THRA: variants seen among roughly 807,000 people sequenced by gnomAD.
The protein encoded by THRA is thyroid hormone receptor alpha.
In THRA, 13 loss-of-function variants were observed where a neutral mutation model predicts 45.0. That is an observed-to-expected ratio of 0.29 (90% CI 0.19 to 0.46). The LOEUF (loss-of-function observed/expected upper bound fraction) is 0.46. Among genes scored for constraint, THRA ranks in the 20% least tolerant of loss-of-function variants. THRA has a pLI of 1.00. For missense variants in THRA, 278 were observed against 556.1 expected (o/e 0.50, Z 5.03); for synonymous variants, 195 against 214.0 (o/e 0.91, Z 0.78).
intron 2 of THRA, among the ~76,000 whole-genome samples, chr17:40,076,429 A>G (rs1476103631): frequency 6.6e-6 from 1 of 152,190 alleles, no homozygotes; most frequent in African/African-American, 2.4e-5. Flanking sequence ...GCCCTGGTGC[A>G]TACTCACCAT....
chr17:40,093,296 G>C (rs201252895), downstream of THRA: 1 of 1,613,426 alleles, frequency 6.2e-7, no homozygotes, highest in Admixed American at 1.7e-5. This position sits in a 1 kb window ranked among gnomAD's most constrained non-coding sequence, Gnocchi z 5.9. Context: ...TGGGGAAGAC[G>C]ACAGCAGTGA....
intron 4 of THRA, among the ~76,000 whole-genome samples, chr17:40,081,806 T>C (rs955901172): frequency 3.3e-5 from 5 of 151,368 alleles, no homozygotes; most frequent in Non-Finnish European, 5.9e-5. Flanking sequence ...TCTATAAAAA[T>C]ACAAAAATTA....
intron 6 of THRA, among the ~76,000 whole-genome samples, chr17:40,086,180 GCAC>G (rs1330142220): frequency 6.6e-6 from 1 of 152,166 alleles, no homozygotes; most frequent in Non-Finnish European, 1.5e-5. Context: ...CAGAAAACCA[GCAC>G]CTGGTTCATG....
chr17:40,071,891 C>A lies in THRA; in HGVS notation c.-297-2301C>A, dbSNP rs1324553768. ...GCCAAGGAGTCCCCAGGGGTTCCAG[C>A]CTCTTTCTGGGTACCCAGTGAGGGT... is the stretch of plus-strand genomic sequence containing the variant. On this transcript the variant is annotated intron_variant, in intron 1 of 8. Transcript: ENST00000450525. 2.0e-5 allele frequency among the ~76,000 whole-genome samples: 3 copies of A among 152,172 alleles called. No individual in the cohort carries two copies. In the East Asian group the frequency reaches 5.8e-4, roughly 29 times the overall value.
chr17:40,076,858 T>C lies in THRA; in HGVS notation c.54-13T>C. ...GACTGCTCTGTGATTCTGCCCACTT[T>C]GCCTCCATCCAGTGCCAGGTCACCA... On this transcript the variant is annotated splice_polypyrimidine_tract_variant and intron_variant, in intron 2 of 8. Transcript: ENST00000450525. 1.9e-6 allele frequency: 3 copies of C among 1,614,026 alleles called. No individual in the cohort carries two copies. Among genetic ancestry groups the C allele is most frequent in the Non-Finnish European group, 2.5e-6 (3 of 1,179,926 alleles).
At position 40,092,351 on chromosome 17, in the gene THRA, C is replaced by A. The variant is rs961888466; in HGVS notation, c.*2895C>A. ...AGGGGGACACTGCCCAGAGGCGCTACTGAATGTATGAGAAGCTGGTGCTGG... is the reference window on the plus strand; with the variant it reads ...AGGGGGACACTGCCCAGAGGCGCTAATGAATGTATGAGAAGCTGGTGCTGG... On this transcript the variant is annotated 3_prime_UTR_variant, in exon 9 of 9. Transcript: ENST00000450525. 1 of 146,868 alleles carries A rather than the reference C, an allele frequency of 6.8e-6. No individual in the cohort carries two copies. The highest frequency in any genetic ancestry group is 1.5e-5 in the Non-Finnish European group (1 of 66,936). 9.1% of individuals were successfully genotyped at this position (146,868 alleles called of 1,614,324 possible).
intron 3 of THRA, 94 bp downstream of exon 3, chr17:40,077,032 T>C: frequency 7.6e-7 from 1 of 1,307,898 alleles, no homozygotes; most frequent in South Asian, 1.3e-5. Flanking sequence ...CAGTAATTCA[T>C]GTGTTCCCTG....
chr17:40,078,716 C>A (rs181755957), intron 4 of THRA, among the ~76,000 whole-genome samples: 7 of 150,374 alleles, frequency 4.7e-5, no homozygotes, highest in African/African-American at 1.5e-4. Context: ...ATGCAGATTC[C>A]CAGCCTTCAT....
rs956816484 is a variant in THRA at position 40,074,612 on chromosome 17, T to G, written c.53+71T>G. 7.7e-6 allele frequency: 12 copies of G among 1,551,880 alleles called. No homozygotes were observed. The African/African-American group carries it at 1.6e-4, about 21-fold the overall frequency. ...CATGGGCACCTGGCTGAGCTCTCCT[T>G]TAGGCACCGCCTTTAAGCACCTCTG... On this transcript the variant is annotated intron_variant, in intron 2 of 8. Transcript: ENST00000450525.
chr17:40,078,966 G>C (rs549331666), intron 4 of THRA, among the ~76,000 whole-genome samples: 1 of 151,980 alleles, frequency 6.6e-6, no homozygotes, highest in African/African-American at 2.4e-5. Flanking sequence ...TCTTGACCTC[G>C]TGATCCGCCC....
rs1252541578 is a variant in THRA, at chr17:40,092,639, A to C, written c.*3183A>C. On this transcript the variant is annotated 3_prime_UTR_variant, in exon 9 of 9. Transcript: ENST00000450525. ...TATGATGAAAATAACCCCCTTGGGC[A>C]CCCCCCTTAGACTTGTGTGCTGTTT... 2 of 167,802 alleles carry C rather than the reference A, an allele frequency of 1.2e-5. No homozygotes were observed. Among genetic ancestry groups the C allele is most frequent in the Non-Finnish European group, 2.5e-5 (2 of 79,046 alleles). 10.4% of individuals were successfully genotyped at this position (167,802 alleles called of 1,614,324 possible).
intron 1 of THRA, among the ~76,000 whole-genome samples, chr17:40,064,324 C>T (rs1365767298): frequency 2.0e-5 from 3 of 152,212 alleles, no homozygotes; most frequent in Admixed American, 6.5e-5. Flanking sequence ...AAGTCACTGT[C>T]ACATGCATGC....
In THRA at chr17:40,090,905, T is replaced by TG. The variant is rs1987508797; in HGVS notation, c.*1451dup. ...CGCCCTCCTGGTGAGGGTGCTCTGT[T>TG]GGTCTGCACTTGGGTGAGCTGTCCT... On this transcript the variant is annotated 3_prime_UTR_variant, in exon 9 of 9. Transcript: ENST00000450525. The TG allele has an allele frequency of 6.6e-6, 1 of 152,352 alleles. No individual in the cohort carries two copies. The highest frequency in any genetic ancestry group is 1.5e-5 in the Non-Finnish European group (1 of 68,144). 9.4% of individuals were successfully genotyped at this position (152,352 alleles called of 1,614,324 possible).
At chr17:40,084,211 C>T (rs1462844148) in intron 5 of THRA, among the ~76,000 whole-genome samples, 2 of 152,116 alleles carry the variant, frequency 1.3e-5, no homozygotes, top group South Asian at 2.1e-4. Flanking sequence ...ACTCGAGGGC[C>T]TTAGAGAGGG....
At chr17:40,079,914 A>G (rs1987079181) in intron 4 of THRA, among the ~76,000 whole-genome samples, 1 of 152,092 alleles carries the variant, frequency 6.6e-6, no homozygotes, top group South Asian at 2.1e-4. Context: ...TAAAAATACC[A>G]AAATTGGCCA....
intron 2 of THRA, among the ~76,000 whole-genome samples, 154 bp from the exon 3 acceptor site, chr17:40,076,717 T>C (rs575275668): frequency 6.6e-6 from 1 of 152,222 alleles, no homozygotes; most frequent in East Asian, 1.9e-4. Context: ...ACTGGACCCT[T>C]TTAAGCATTG....
At chr17:40,078,484 G>A (rs8070239) in intron 4 of THRA, among the ~76,000 whole-genome samples, 18,287 of 152,074 alleles carry the variant, frequency 0.12, 3,538 homozygotes, top group African/African-American at 0.41. Flanking sequence ...CTGTCTCAAA[G>A]TAAAATAATA....
At chr17:40,080,234 T>C (rs533879239) in intron 4 of THRA, among the ~76,000 whole-genome samples, 2 of 152,034 alleles carry the variant, frequency 1.3e-5, no homozygotes, top group East Asian at 3.9e-4. Context: ...ACCCTGTCCA[T>C]ACAAAAAAAT....
intron 1 of THRA, among the ~76,000 whole-genome samples, chr17:40,071,023 G>A (rs535248004): frequency 2.0e-5 from 3 of 149,192 alleles, no homozygotes; most frequent in African/African-American, 7.4e-5. Flanking sequence ...GTCACCCCTA[G>A]CTCTACCCCA....
Sources: allele counts gnomAD v4.1 joint callset (sites outside exome capture counted in the v4.1 genomes callset), GRCh38; gene constraint gnomAD v4.1.1; non-coding constraint Gnocchi (gnomAD v3.1); transcripts MANE v1.5; gene names NCBI Gene and HGNC (gene_info 2026-07-23, HGNC 2026-07-21).